Variants in PHACTR2 observed in about 807,000 individuals in gnomAD.
PHACTR2 encodes the protein phosphatase and actin regulator 2, also known as chromosome 6 open reading frame 56.
A neutral mutation model predicts 76.0 loss-of-function variants in PHACTR2; 30 were observed. The observed-to-expected ratio is 0.39, with a 90% confidence interval of 0.30 to 0.54. PHACTR2 has a LOEUF of 0.54. Ranked by LOEUF, PHACTR2 falls within the 20% of genes least tolerant of loss-of-function variation. The probability of loss-of-function intolerance (pLI) is 0.61; values close to 1 mark genes in which losing one functional copy is unlikely to be tolerated. For synonymous variants in PHACTR2, 292 were observed against 292.5 expected (o/e 1.00, Z 0.02); for missense variants, 696 against 781.1 (o/e 0.89, Z 1.30).
intron 1 of PHACTR2, among the ~76,000 whole-genome samples, chr6:143,667,666 GCT>G (rs1373190913): frequency 6.6e-6 from 1 of 152,042 alleles, no homozygotes; most frequent in Non-Finnish European, 1.5e-5. Context: ...TCATGATTTG[GCT>G]CTCTGTTTGT....
chr6:143,564,478 T>C (rs1195534352), intron 1 of PHACTR2, among the ~76,000 whole-genome samples: 1 of 151,984 alleles, frequency 6.6e-6, no homozygotes, highest in East Asian at 1.9e-4. Context: ...TTATATCATA[T>C]AAAACATTTG....
chr6:143,563,556 A>AAAAAAAAAAC (rs1775312949), intron 1 of PHACTR2, among the ~76,000 whole-genome samples: 3 of 128,920 alleles, frequency 2.3e-5, no homozygotes, highest in South Asian at 2.4e-4. Flanking sequence ...CGTCTCAAAA[A>AAAAAAAAAAC]AAAAAAAAAA....
rs1405776414 is a variant in PHACTR2, at chr6:143,598,090, G to GC, written c.217+60884dup. ...TATAGTAGGTCGAAGAATGCCCCCC[G>GC]CGCCCCCAAAAAAGAACCATATCTT... On this transcript the variant is annotated intron_variant, in intron 1 of 11. Coordinates refer to the PHACTR2 transcript ENST00000367584. The surrounding 1 kb of genome is among the most constrained non-coding windows in gnomAD (Gnocchi z 4.1). Among the ~76,000 whole-genome samples, 12 of 150,300 alleles carry GC rather than the reference G, an allele frequency of 8.0e-5. No individual in the cohort carries two copies. The highest frequency in any genetic ancestry group is 1.8e-4 in the Non-Finnish European group (12 of 67,682).
intron 2 of PHACTR2, among the ~76,000 whole-genome samples, chr6:143,740,508 T>TTAAAA (rs112665368): frequency 7.8e-6 from 1 of 128,688 alleles, no homozygotes; most frequent in Admixed American, 8.1e-5. Context: ...TCCTTTTAAT[T>TTAAAA]AAAAAAAAAA....
intron 1 of PHACTR2, among the ~76,000 whole-genome samples, chr6:143,638,368 C>T (rs374813930): frequency 4.6e-5 from 7 of 151,964 alleles, no homozygotes; most frequent in South Asian, 4.2e-4. Flanking sequence ...AGCAAGACCC[C>T]GTCTATACAA....
Position 143,807,181 on chromosome 6 carries a change from T to C in PHACTR2, c.1922+48T>C. ...GAAATTGAAAATGCTTAAGATGTGA[T>C]CCCATGTTGAGTTGGTTAAAAAAAG... On this transcript the variant is annotated intron_variant, in intron 12 of 12. Coordinates refer to ENST00000440869, the MANE Select transcript of PHACTR2 (RefSeq NM_001100164.2). This position sits in a 1 kb window ranked among gnomAD's most constrained non-coding sequence, Gnocchi z 5.5. The C allele has an allele frequency of 9.1e-7, 1 of 1,103,594 alleles. No homozygotes were observed. Among genetic ancestry groups the C allele is most frequent in the Non-Finnish European group, 1.4e-6 (1 of 733,754 alleles). The allele number at this position is 1,103,594 out of a possible 1,614,324, so 68.4% of individuals were successfully genotyped here. A position where few individuals can be genotyped will look rare whatever the true frequency, so the allele number is the denominator to read the frequency against.
chr6:143,573,854 G>A (rs1775475847), intron 1 of PHACTR2, among the ~76,000 whole-genome samples: 1 of 152,166 alleles, frequency 6.6e-6, no homozygotes, highest in Non-Finnish European at 1.5e-5. Context: ...CCAGAACTGG[G>A]TCTGGTTCTC....
rs59017997 is a variant in PHACTR2 at position 143,564,196 on chromosome 6, CATATATATATATATATATATAT to C, written c.217+27008_217+27029del. ...ATGTGTGTGTGTATGTGTGTGTGTGCATATATATATATATATATATATATATATATATATATATATGTATGCC... is the reference window on the plus strand; with the variant it reads ...ATGTGTGTGTGTATGTGTGTGTGTGCATATATATATATATATATGTATGCC... On this transcript the variant is annotated intron_variant, in intron 1 of 11. Coordinates refer to the PHACTR2 transcript ENST00000367584. 5.1e-3 allele frequency among the ~76,000 whole-genome samples: 205 copies of C among 40,302 alleles called. 5 individuals are homozygous for C. The highest frequency in any genetic ancestry group is 0.018 in the African/African-American group (189 of 10,772). The allele number at this position is 40,302 out of a possible 152,430, so 26.4% of individuals were successfully genotyped here.
Position 143,694,406 on chromosome 6 carries a change from T to G in PHACTR2, c.46+16197T>G, listed in dbSNP as rs1239734780. Among the ~76,000 whole-genome samples, 3 of 152,316 alleles carry G rather than the reference T, an allele frequency of 2.0e-5. No individual in the cohort carries two copies. The East Asian group carries it at 5.8e-4, about 29-fold the overall frequency. ...TTCAGGAAAGAAACCCCCAAACTAC[T>G]TATCAAGATCCTAATCCCAGTGTGG... On this transcript the variant is annotated intron_variant, in intron 1 of 12. Coordinates refer to ENST00000440869, the MANE Select transcript of PHACTR2 (RefSeq NM_001100164.2).
rs377378201 is a variant in PHACTR2, at chr6:143,779,899, T to TTTATATTATATTATATTATA, written c.1645+2549_1645+2568dup. The stretch of plus-strand genomic sequence containing the variant: ...TAAAAAGACATATTACATATACGTA[T>TTTATATTATATTATATTATA]TTATATTATATTATATTATATTATA... On this transcript the variant is annotated intron_variant, in intron 9 of 12. Coordinates refer to ENST00000440869, the MANE Select transcript of PHACTR2 (RefSeq NM_001100164.2). Among the ~76,000 whole-genome samples, 657 of 140,964 alleles carry TTTATATTATATTATATTATA rather than the reference T, an allele frequency of 4.7e-3. 4 individuals are homozygous for TTTATATTATATTATATTATA. Among genetic ancestry groups the TTTATATTATATTATATTATA allele is most frequent in the South Asian group, 0.011 (49 of 4,422 alleles). 92.5% of individuals were successfully genotyped at this position (140,964 alleles called of 152,430 possible). A position where few individuals can be genotyped will look rare whatever the true frequency, so the allele number is the denominator to read the frequency against.
At chr6:143,606,528 TTA>T (rs1775875414), upstream of PHACTR2, among the ~76,000 whole-genome samples, 3 of 152,230 alleles carry the variant, frequency 2.0e-5, no homozygotes, top group Non-Finnish European at 4.4e-5. Context: ...TATATTCATA[TTA>T]GGCAATAGGC....
At chr6:143,645,626 G>A (rs1176208281) in intron 1 of PHACTR2, among the ~76,000 whole-genome samples, 1 of 152,158 alleles carries the variant, frequency 6.6e-6, no homozygotes, top group Non-Finnish European at 1.5e-5. Context: ...AAAAATTTAA[G>A]TGACTATATT....
upstream of PHACTR2, among the ~76,000 whole-genome samples, chr6:143,604,993 G>GTTT (rs72329149): frequency 4.1e-5 from 6 of 147,712 alleles, no homozygotes; most frequent in East Asian, 3.9e-4. Flanking sequence ...TGCTAATAGG[G>GTTT]TTTTTTTTTT....
chr6:143,612,738 G>C lies in PHACTR2; in HGVS notation c.13+4416G>C, dbSNP rs79425822. 8.9e-3 allele frequency among the ~76,000 whole-genome samples: 1,358 copies of C among 152,188 alleles called. 24 individuals are homozygous for C. Among genetic ancestry groups the C allele is most frequent in the African/African-American group, 0.031 (1,296 of 41,514 alleles). The stretch of plus-strand genomic sequence containing the variant: ...GATGTAGGGGAATGTAATGTTGCTA[G>C]CTCTTCTAAAAAACTTGATAAAAAA... On this transcript the variant is annotated intron_variant, in intron 1 of 11. Transcript: ENST00000305766.
chr6:143,644,350 C>T (rs1051061549), intron 1 of PHACTR2, among the ~76,000 whole-genome samples: 10 of 151,780 alleles, frequency 6.6e-5, no homozygotes, highest in Non-Finnish European at 1.3e-4. Context: ...CGCTTGTAGT[C>T]CCAGCTACTC....
In PHACTR2 at chr6:143,652,348, ACT is replaced by A. The variant is rs1443230327; in HGVS notation, c.13+44029_13+44030del. 6.6e-6 allele frequency among the ~76,000 whole-genome samples: 1 copy of A among 152,092 alleles called. No homozygotes were observed. The highest frequency in any genetic ancestry group is 2.4e-5 in the African/African-American group (1 of 41,382). On this transcript the variant is annotated intron_variant, in intron 1 of 11. Coordinates refer to the PHACTR2 transcript ENST00000305766. The surrounding 1 kb of genome is among the most constrained non-coding windows in gnomAD (Gnocchi z 4.5). ...TTTGAAGTTTTTCCAAAGAAAAGAA[ACT>A]CTGCCTGGCTGCATCAGCTAGACAA... is the stretch of plus-strand genomic sequence containing the variant.
In PHACTR2 at chr6:143,543,342, C is replaced by T. The variant is rs1781188818; in HGVS notation, c.217+6135C>T. ...AAGGGCATATCTTGATTTTTCATTTCTTCTTTCAATCAACAAATGGCTAGT... is the reference window on the plus strand; with the variant it reads ...AAGGGCATATCTTGATTTTTCATTTTTTCTTTCAATCAACAAATGGCTAGT... On this transcript the variant is annotated intron_variant, in intron 1 of 11. Transcript: ENST00000367584. This position sits in a 1 kb window ranked among gnomAD's most constrained non-coding sequence, Gnocchi z 4.7. Among the ~76,000 whole-genome samples, 1 of 152,208 alleles carries T rather than the reference C, an allele frequency of 6.6e-6. No homozygotes were observed. The highest frequency in any genetic ancestry group is 1.5e-5 in the Non-Finnish European group (1 of 68,040).
At chr6:143,604,164 G>C (rs1240092174), upstream of PHACTR2, among the ~76,000 whole-genome samples, 3 of 151,774 alleles carry the variant, frequency 2.0e-5, no homozygotes, top group Admixed American at 6.6e-5. Flanking sequence ...AAAATGAATA[G>C]GGAGCAAGCT....
intron 1 of PHACTR2, among the ~76,000 whole-genome samples, chr6:143,691,423 C>G (rs1434697297): frequency 6.6e-6 from 1 of 152,146 alleles, no homozygotes; most frequent in African/African-American, 2.4e-5. Context: ...TTCATATTTA[C>G]TGTTCATGAG....
Sources: gnomAD v4.1 joint callset for allele counts (sites outside exome capture counted in the v4.1 genomes callset) on GRCh38, gnomAD v4.1.1 for gene constraint, Gnocchi (gnomAD v3.1) non-coding constraint, MANE v1.5 for transcripts, NCBI Gene and HGNC (gene_info 2026-07-23, HGNC 2026-07-21) for gene names.